Variants in PRKCB observed in about 807,000 individuals in gnomAD.
The protein encoded by PRKCB is protein kinase C beta type.
In PRKCB, 13 loss-of-function variants were observed where a neutral mutation model predicts 81.5. That is an observed-to-expected ratio of 0.16 (90% confidence interval 0.10 to 0.25). The LOEUF (loss-of-function observed/expected upper bound fraction) is 0.25. PRKCB is among the 10% of genes least tolerant of loss of function. The probability of loss-of-function intolerance (pLI) is 1.00; values close to 1 mark genes in which losing one functional copy is unlikely to be tolerated. For synonymous variants in PRKCB, 335 were observed against 321.4 expected (o/e 1.04, Z -0.45); for missense variants, 509 against 875.7 (o/e 0.58, Z 5.29).
chr16:23,974,523 C>T (rs888068011), intron 2 of PRKCB, among the ~76,000 whole-genome samples: 17 of 152,084 alleles, frequency 1.1e-4, no homozygotes, highest in African/African-American at 3.1e-4. Context: ...TGAGGCAGGC[C>T]GACTTCTGCG....
At chr16:24,211,606 T>C (rs923078924) in intron 16 of PRKCB, among the ~76,000 whole-genome samples, 11 of 150,658 alleles carry the variant, frequency 7.3e-5, no homozygotes, top group Admixed American at 7.3e-4. Flanking sequence ...TTGCCCAGGC[T>C]GGAGTGCAAT....
chr16:23,950,041 G>A (rs1213957043), intron 2 of PRKCB, among the ~76,000 whole-genome samples: 2 of 151,624 alleles, frequency 1.3e-5, no homozygotes, highest in African/African-American at 2.4e-5. Context: ...CATGCTAACC[G>A]AAGGAGCCTC....
chr16:24,152,164 A>G (rs1042814970), intron 9 of PRKCB, among the ~76,000 whole-genome samples: 2 of 152,162 alleles, frequency 1.3e-5, no homozygotes, highest in Admixed American at 1.3e-4. Context: ...AAGAGGTTTA[A>G]TGGACCTGGG....
intron 2 of PRKCB, among the ~76,000 whole-genome samples, chr16:23,921,360 G>A (rs796917262): frequency 3.3e-5 from 5 of 152,152 alleles, no homozygotes; most frequent in African/African-American, 1.2e-4. Context: ...GACAGGTAAG[G>A]TGCTGGTACC....
intron 7 of PRKCB, among the ~76,000 whole-genome samples, chr16:24,103,808 A>C (rs1966540838): frequency 6.6e-6 from 1 of 152,078 alleles, no homozygotes; most frequent in Non-Finnish European, 1.5e-5. Flanking sequence ...TATAAGGTCC[A>C]GATCTTTTTT....
intron 11 of PRKCB, among the ~76,000 whole-genome samples, chr16:24,173,935 T>C (rs1967486942): frequency 6.6e-6 from 1 of 152,210 alleles, no homozygotes; most frequent in African/African-American, 2.4e-5. Context: ...GGGGAGATGG[T>C]AAACCTTCAA....
intron 3 of PRKCB, among the ~76,000 whole-genome samples, chr16:23,994,688 T>G (rs1473760146): frequency 6.6e-6 from 1 of 152,248 alleles, no homozygotes; most frequent in Admixed American, 6.5e-5. Flanking sequence ...CTGTATCAAA[T>G]GTGGTTTCAT....
intron 2 of PRKCB, among the ~76,000 whole-genome samples, chr16:23,923,952 C>A (rs1386246273): frequency 6.6e-6 from 1 of 152,058 alleles, no homozygotes; most frequent in African/African-American, 2.4e-5. Context: ...TTGAAGCGCT[C>A]CCTATAAACA....
intron 5 of PRKCB, among the ~76,000 whole-genome samples, chr16:24,046,677 T>G (rs1596526883): frequency 6.6e-6 from 1 of 151,358 alleles, no homozygotes; most frequent in South Asian, 2.1e-4. Context: ...AGCCAGTGGG[T>G]GTGACTGGAG....
chr16:24,148,759 T>C (rs950891793), intron 9 of PRKCB, among the ~76,000 whole-genome samples: 5 of 152,204 alleles, frequency 3.3e-5, no homozygotes, highest in African/African-American at 9.6e-5. Context: ...CAGCAGACTA[T>C]TGGAACCCAG....
At chr16:23,886,692 C>T (rs1037923173) in intron 2 of PRKCB, among the ~76,000 whole-genome samples, 1 of 152,078 alleles carries the variant, frequency 6.6e-6, no homozygotes. Flanking sequence ...GGATTACAGG[C>T]GTGAGCCACC....
chr16:24,077,397 CTCCA>C (rs5816242), intron 5 of PRKCB, among the ~76,000 whole-genome samples: 3,071 of 150,480 alleles, frequency 0.02, 76 homozygotes, highest in African/African-American at 0.067. Flanking sequence ...GCATTCATCT[CTCCA>C]TCCATCCATC....
chr16:24,128,351 G>T (rs1294404662), intron 9 of PRKCB, among the ~76,000 whole-genome samples: 1 of 151,934 alleles, frequency 6.6e-6, no homozygotes, highest in Non-Finnish European at 1.5e-5. Flanking sequence ...CTCCAGCCTG[G>T]GTGACAGAGC....
chr16:23,906,981 G>T (rs1308704368), intron 2 of PRKCB, among the ~76,000 whole-genome samples: 1 of 152,036 alleles, frequency 6.6e-6, no homozygotes, highest in Admixed American at 6.5e-5. Flanking sequence ...GGTTTCCTGG[G>T]TGGGGACAGG....
At position 23,992,834 on chromosome 16, in the gene PRKCB, G is replaced by A. The variant is rs1412158352; in HGVS notation, c.288+4244G>A. ...TCAGAAAAGAATGGGATCCCATAAG[G>A]TGGGAAGACTCTGATGAAGACCCTA... On this transcript the variant is annotated intron_variant, in intron 3 of 16. Coordinates refer to ENST00000643927, the MANE Select transcript of PRKCB (RefSeq NM_002738.7). 2.0e-5 allele frequency among the ~76,000 whole-genome samples: 3 copies of A among 152,214 alleles called. No homozygotes were observed. The East Asian group carries it at 5.8e-4, about 29-fold the overall frequency.
In PRKCB at chr16:23,886,836, C is replaced by T. The variant is rs574748567; in HGVS notation, c.205+49430C>T. On this transcript the variant is annotated intron_variant, in intron 2 of 16. Transcript: ENST00000643927. ...TCCCCTTCATCTCTGCCTGTAGCAGCCACAGACCCTCTCTTTCCTTGGTGC... is the reference window on the plus strand; with the variant it reads ...TCCCCTTCATCTCTGCCTGTAGCAGTCACAGACCCTCTCTTTCCTTGGTGC... Among the ~76,000 whole-genome samples the T allele has an allele frequency of 8.1e-4, 124 of 152,298 alleles. 2 individuals are homozygous for T. Among genetic ancestry groups the T allele is most frequent in the African/African-American group, 2.9e-3 (120 of 41,570 alleles).
intron 2 of PRKCB, among the ~76,000 whole-genome samples, chr16:23,957,106 A>C (rs1303830212): frequency 6.6e-6 from 1 of 152,042 alleles, no homozygotes; most frequent in African/African-American, 2.4e-5. Flanking sequence ...ATTATGTAAA[A>C]ATAATTTAAT....
rs1962844415 is a variant in PRKCB at position 23,868,479 on chromosome 16, C to G, written c.205+31073C>G. Among the ~76,000 whole-genome samples, 3 of 152,138 alleles carry G rather than the reference C, an allele frequency of 2.0e-5. No individual in the cohort carries two copies. The South Asian group carries it at 6.2e-4, about 32-fold the overall frequency. ...ATGATAAGTTATACACATTAATTAT[C>G]TTATTTGATTTTCACAATGACCTAT... On this transcript the variant is annotated intron_variant, in intron 2 of 16. Coordinates refer to ENST00000643927, the MANE Select transcript of PRKCB (RefSeq NM_002738.7).
rs558593617 is a variant in PRKCB, at chr16:23,912,567, C to T, written c.205+75161C>T. ...TCTCTCTGTTGCCCAGGCTGGAGTG[C>T]AGTGGCGTGATCTAGGCTCACTGCA... On this transcript the variant is annotated intron_variant, in intron 2 of 16. Coordinates refer to ENST00000643927, the MANE Select transcript of PRKCB (RefSeq NM_002738.7). Among the ~76,000 whole-genome samples, 21 of 113,254 alleles carry T rather than the reference C, an allele frequency of 1.9e-4. No homozygotes were observed. In the South Asian group the frequency reaches 5.6e-3, roughly 30 times the overall value. The allele number at this position is 113,254 out of a possible 152,430, so 74.3% of individuals were successfully genotyped here.
Sources: allele counts gnomAD v4.1 joint callset (sites outside exome capture counted in the v4.1 genomes callset), GRCh38; gene constraint gnomAD v4.1.1; transcripts MANE v1.5; gene names NCBI Gene and HGNC (gene_info 2026-07-23, HGNC 2026-07-21).